The following PDLIM5 variants were observed in gnomAD, a reference collection of about 807,000 sequenced individuals.
The protein encoded by PDLIM5 is PDZ and LIM domain 5, also known as PDZ and LIM domain protein 5.
PDLIM5 carries 34 observed loss-of-function variants against 64.2 expected under a neutral mutation model. That is an observed-to-expected ratio of 0.53 (90% CI 0.40 to 0.71). The LOEUF (loss-of-function observed/expected upper bound fraction) is 0.71, where lower values mean the gene tolerates loss of function less well. Among genes scored for constraint, PDLIM5 ranks in the 30% least tolerant of loss-of-function variants. The pLI, the probability that PDLIM5 is intolerant of heterozygous loss-of-function variation, is 0.00. For synonymous variants in PDLIM5, 253 were observed against 269.1 expected (o/e 0.94, Z 0.59); for missense variants, 683 against 733.6 (o/e 0.93, Z 0.80).
chr4:94,493,681 C>T (rs1560653242), intron 2 of PDLIM5, among the ~76,000 whole-genome samples: 1 of 152,042 alleles, frequency 6.6e-6, no homozygotes, highest in African/African-American at 2.4e-5. Context: ...TTAGGGTAAA[C>T]CAAGAGGTAT....
chr4:94,646,148 G>A (rs1741396951), intron 9 of PDLIM5, among the ~76,000 whole-genome samples: 1 of 152,080 alleles, frequency 6.6e-6, no homozygotes, highest in South Asian at 2.1e-4. Flanking sequence ...TTTTTCTTAA[G>A]AAGGTTACTG....
At chr4:94,624,063 T>C (rs1739465960) in intron 8 of PDLIM5, among the ~76,000 whole-genome samples, 1 of 151,434 alleles carries the variant, frequency 6.6e-6, no homozygotes, top group African/African-American at 2.4e-5. Context: ...GTAATCCCAA[T>C]AGTGTGGGAG....
chr4:94,498,434 G>C (rs536298675), intron 2 of PDLIM5, among the ~76,000 whole-genome samples: 1 of 152,190 alleles, frequency 6.6e-6, no homozygotes, highest in African/African-American at 2.4e-5. Context: ...GACTTTCTGA[G>C]GAACTAACCT....
chr4:94,625,602 G>A (rs1048854247), intron 8 of PDLIM5, among the ~76,000 whole-genome samples: 18 of 152,030 alleles, frequency 1.2e-4, no homozygotes, highest in South Asian at 2.1e-4. Context: ...ACAGGCGCCC[G>A]CCACCATGCC....
chr4:94,629,544 A>G (rs1241083345), intron 8 of PDLIM5, among the ~76,000 whole-genome samples: 1 of 152,178 alleles, frequency 6.6e-6, no homozygotes, highest in Non-Finnish European at 1.5e-5. Flanking sequence ...AATTTTGGTT[A>G]TGTGTGATAT....
chr4:94,510,150 G>A (rs1728745399), intron 2 of PDLIM5, among the ~76,000 whole-genome samples: 1 of 152,152 alleles, frequency 6.6e-6, no homozygotes, highest in Non-Finnish European at 1.5e-5. Context: ...TTGTTCTTTA[G>A]ATGAATTCTT....
At chr4:94,531,803 T>G (rs1730894936) in intron 3 of PDLIM5, among the ~76,000 whole-genome samples, 1 of 152,216 alleles carries the variant, frequency 6.6e-6, no homozygotes, top group Non-Finnish European at 1.5e-5. Flanking sequence ...CCTCTACTTA[T>G]GAGCAACTGC....
At chr4:94,494,471 C>T (rs1226802834) in intron 2 of PDLIM5, among the ~76,000 whole-genome samples, 4 of 68,296 alleles carry the variant, frequency 5.9e-5, no homozygotes, top group Admixed American at 2.4e-4. Context: ...CGGAATTTCA[C>T]TCTGGTCGCC....
chr4:94,496,352 A>T (rs556345345), intron 2 of PDLIM5, among the ~76,000 whole-genome samples: 1 of 152,268 alleles, frequency 6.6e-6, no homozygotes, highest in East Asian at 1.9e-4. Context: ...AAATCTGGGG[A>T]TTGCTTTATT....
At chr4:94,588,559 A>C (rs1736427315) in intron 7 of PDLIM5, among the ~76,000 whole-genome samples, 1 of 137,056 alleles carries the variant, frequency 7.3e-6, no homozygotes, top group African/African-American at 2.7e-5. Flanking sequence ...GCGAAACTCC[A>C]TCTCTAAATA....
chr4:94,651,424 G>A (rs1741835126), intron 9 of PDLIM5, among the ~76,000 whole-genome samples: 1 of 152,192 alleles, frequency 6.6e-6, no homozygotes, highest in South Asian at 2.1e-4. Flanking sequence ...TTAATGGACT[G>A]TAGTTTTAAT....
At chr4:94,613,140 TA>T (rs1474310664) in intron 7 of PDLIM5, among the ~76,000 whole-genome samples, 2 of 152,212 alleles carry the variant, frequency 1.3e-5, no homozygotes, top group East Asian at 3.9e-4. Context: ...CAATTGCTTG[TA>T]ACTAAGGCCT....
At chr4:94,587,282 CCAA>C in intron 7 of PDLIM5, 1 of 1,080,084 alleles carries the variant, frequency 9.3e-7, no homozygotes, top group Non-Finnish European at 1.1e-6. Flanking sequence ...AAATGTAAAA[CCAA>C]AAAAAAAAAA....
Position 94,666,676 on chromosome 4 carries a change from C to T in PDLIM5, c.*2609C>T, listed in dbSNP as rs1357006426. On this transcript the variant is annotated 3_prime_UTR_variant, in exon 13 of 13. Transcript: ENST00000317968. Reference sequence around the variant, plus strand: ...TTTTCTTCAAAGAATTTTATTTGACCCAGATTTCTTATAAAGTTATCTTAC... The same window carrying T: ...TTTTCTTCAAAGAATTTTATTTGACTCAGATTTCTTATAAAGTTATCTTAC... 1 of 152,144 alleles carries T rather than the reference C, an allele frequency of 6.6e-6. No homozygotes were observed. Among genetic ancestry groups the T allele is most frequent in the Non-Finnish European group, 1.5e-5 (1 of 68,008 alleles). 9.4% of individuals were successfully genotyped at this position (152,144 alleles called of 1,614,324 possible). A position where few individuals can be genotyped will look rare whatever the true frequency, so the allele number is the denominator to read the frequency against.
intron 2 of PDLIM5, among the ~76,000 whole-genome samples, chr4:94,465,855 C>G (rs1367387280): frequency 6.6e-6 from 1 of 152,120 alleles, no homozygotes; most frequent in African/African-American, 2.4e-5. Flanking sequence ...CTGTTATGCT[C>G]TTATTTCCGA....
rs1411730612 is a variant in PDLIM5, at chr4:94,497,433, T to C, written c.97-26291T>C. On this transcript the variant is annotated intron_variant, in intron 2 of 12. Coordinates refer to ENST00000317968, the MANE Select transcript of PDLIM5 (RefSeq NM_006457.5). ...CCTAATATAAGTATCCTAATAGAAG[T>C]AAAAAGTAGAGGAAGGACTTACACT... Among the ~76,000 whole-genome samples the C allele has an allele frequency of 2.0e-5, 3 of 152,178 alleles. No individual in the cohort carries two copies. The East Asian group carries it at 5.8e-4, about 29-fold the overall frequency.
chr4:94,482,888 CTAAAA>C (rs113979372), intron 2 of PDLIM5, among the ~76,000 whole-genome samples: 1,786 of 151,760 alleles, frequency 0.012, 43 homozygotes, highest in African/African-American at 0.041. Context: ...GACCCTGTCA[CTAAAA>C]TAAAATAAAA....
chr4:94,558,412 T>TA (rs1415808226), intron 3 of PDLIM5, among the ~76,000 whole-genome samples: 2 of 152,172 alleles, frequency 1.3e-5, no homozygotes, highest in Non-Finnish European at 2.9e-5. Context: ...AAGGCATAGA[T>TA]AAAAAAGGCT....
At chr4:94,628,324 T>C (rs1560751328) in intron 8 of PDLIM5, among the ~76,000 whole-genome samples, 1 of 152,306 alleles carries the variant, frequency 6.6e-6, no homozygotes, top group East Asian at 1.9e-4. Flanking sequence ...TAAAAGATGC[T>C]AAATTCAAAC....
Sources: allele counts gnomAD v4.1 joint callset (sites outside exome capture counted in the v4.1 genomes callset), GRCh38; gene constraint gnomAD v4.1.1; transcripts MANE v1.5; gene names NCBI Gene and HGNC (gene_info 2026-07-23, HGNC 2026-07-21).